ATP5MK: variants seen among roughly 807,000 people sequenced by gnomAD.
The protein encoded by ATP5MK is ATP synthase F(0) complex subunit k, mitochondrial.
ATP5MK carries 5 observed loss-of-function variants against 6.6 expected under a neutral mutation model. The observed-to-expected ratio is 0.76, with a 90% CI of 0.40 to 1.60. The LOEUF is 1.60. Ranked by LOEUF, ATP5MK falls within the 40% of genes most tolerant of loss-of-function variation. ATP5MK has a pLI of 0.02. For synonymous variants in ATP5MK, 30 were observed against 24.5 expected (o/e 1.22, Z -0.66); for missense variants, 57 against 66.6 (o/e 0.86, Z 0.50).
At chr10:103,391,273 C>G (rs570812870) in intron 4 of ATP5MK, among the ~76,000 whole-genome samples, 8 of 152,306 alleles carry the variant, frequency 5.3e-5, no homozygotes, top group African/African-American at 1.7e-4. Context: ...CCTAAGATGA[C>G]AATCCTAGAT....
intron 2 of ATP5MK, 142 bp from the exon 3 acceptor site, chr10:103,392,608 A>G (rs937745577): frequency 3.2e-6 from 2 of 620,310 alleles, no homozygotes; most frequent in Non-Finnish European, 5.5e-6. Flanking sequence ...CACCCAACAC[A>G]GTAGTAGCAA....
intron 2 of ATP5MK, among the ~76,000 whole-genome samples, chr10:103,395,124 G>A (rs1005865989): frequency 6.6e-6 from 1 of 152,106 alleles, no homozygotes; most frequent in Non-Finnish European, 1.5e-5. Context: ...AATGGGGAAC[G>A]GGATTGTTGC....
chr10:103,390,489 CAAAAAG>C lies in ATP5MK; in HGVS notation c.*4-1329_*4-1324del, dbSNP rs542212765. Among the ~76,000 whole-genome samples the C allele has an allele frequency of 5.7e-4, 86 of 151,288 alleles. 1 individual carries two copies. Among genetic ancestry groups the C allele is most frequent in the Admixed American group, 5.4e-3 (82 of 15,174 alleles). On this transcript the variant is annotated intron_variant, in intron 4 of 4. Coordinates refer to ENST00000369815, the MANE Select transcript of ATP5MK (RefSeq NM_001206427.2). ...AGCCTGGGCAACAGAGCTAGAGTCT[CAAAAAG>C]AAAAATATCCGGGCTGGGTGTGGTG...
intron 2 of ATP5MK, among the ~76,000 whole-genome samples, chr10:103,394,838 C>A (rs1016110705): frequency 6.8e-6 from 1 of 147,018 alleles, no homozygotes; most frequent in Non-Finnish European, 1.5e-5. Flanking sequence ...AGAAACGCTA[C>A]AGAAAATAAG....
At chr10:103,390,634 CA>C (rs1161693488) in intron 4 of ATP5MK, among the ~76,000 whole-genome samples, 6 of 151,750 alleles carry the variant, frequency 4.0e-5, no homozygotes, top group Non-Finnish European at 4.4e-5. Context: ...ACTAAAAATA[CA>C]AAAAAATTAG....
At chr10:103,395,337 G>C (rs1250324665) in intron 2 of ATP5MK, among the ~76,000 whole-genome samples, 1 of 152,180 alleles carries the variant, frequency 6.6e-6, no homozygotes, top group African/African-American at 2.4e-5. Flanking sequence ...TCGCTCTGTC[G>C]TCCAGGCTGG....
At chr10:103,394,264 A>T in intron 2 of ATP5MK, 1 of 533,176 alleles carries the variant, frequency 1.9e-6, no homozygotes. Context: ...TCACCAGAAC[A>T]AGAGCTGAAA....
intron 2 of ATP5MK, chr10:103,394,284 C>T (rs774679037): frequency 1.5e-5 from 8 of 533,930 alleles, no homozygotes; most frequent in South Asian, 9.8e-5. Flanking sequence ...AATTCGTATG[C>T]ATGACCGCCT....
At chr10:103,392,309 A>C (rs1423217869) in intron 3 of ATP5MK, 26 bp from the exon 4 acceptor site, 4 of 1,600,870 alleles carry the variant, frequency 2.5e-6, no homozygotes, top group Non-Finnish European at 3.4e-6. Context: ...AAAAGTAAAC[A>C]AGACTTGTTG....
intron 4 of ATP5MK, among the ~76,000 whole-genome samples, chr10:103,390,133 G>C (rs942000848): frequency 6.6e-6 from 1 of 152,182 alleles, no homozygotes; most frequent in Admixed American, 6.5e-5. Context: ...GAATAAGCCA[G>C]TGATCACTGC....
intron 2 of ATP5MK, chr10:103,394,318 C>A (rs953336177): frequency 1.9e-6 from 1 of 534,110 alleles, no homozygotes; most frequent in Non-Finnish European, 3.9e-6. Context: ...GACGCCACGC[C>A]GAGTCGATTG....
chr10:103,391,225 A>G (rs2093413548), intron 4 of ATP5MK, among the ~76,000 whole-genome samples: 1 of 152,230 alleles, frequency 6.6e-6, no homozygotes, highest in South Asian at 2.1e-4. Flanking sequence ...ACACCCATTT[A>G]CAAAGCTGGG....
chr10:103,395,960 A>G lies in ATP5MK; in HGVS notation c.-224T>C, dbSNP rs1167202869. On this transcript the variant is annotated 5_prime_UTR_variant, in exon 2 of 5. Transcript: ENST00000369815. Reference sequence around the variant, plus strand: ...GCCGGGCCACATTCACTCGCTTTGAAAAAGGCTGCAGCGCACCTAAAGGAG... The same window carrying G: ...GCCGGGCCACATTCACTCGCTTTGAGAAAGGCTGCAGCGCACCTAAAGGAG... 6.6e-6 allele frequency: 1 copy of G among 152,288 alleles called. No individual in the cohort carries two copies. The highest frequency in any genetic ancestry group is 1.5e-5 in the Non-Finnish European group (1 of 68,092). 9.4% of individuals were successfully genotyped at this position (152,288 alleles called of 1,614,324 possible).
chr10:103,392,223 T>C lies in ATP5MK; in HGVS notation c.148A>G (p.Lys50Glu), dbSNP rs755540729. The C allele has an allele frequency of 6.2e-7, 1 of 1,613,660 alleles. No homozygotes were observed. The highest frequency in any genetic ancestry group is 1.1e-5 in the South Asian group (1 of 90,980). ...GTTGCTTTCACAGCTGGAGTTTTTT[T>C]GGACCTTAACTTGAAATATAAGACA... is the stretch of plus-strand genomic sequence containing the variant. ...LIVLYFKLRS[K>E]KTPAVKAT The change falls in exon 4 of 5, where the codon AAA becomes GAA. Residue 50 changes from lysine to glutamate, a missense_variant. By Grantham distance (56) the Lys-to-Glu change is moderately conservative. Coordinates refer to ENST00000369815, the MANE Select transcript of ATP5MK (RefSeq NM_001206427.2).
Position 103,392,436 on chromosome 10 carries a change from C to T in ATP5MK, c.22G>A (p.Ala8Thr). The T allele has an allele frequency of 6.2e-7, 1 of 1,603,704 alleles. No homozygotes were observed. The highest frequency in any genetic ancestry group is 8.5e-7 in the Non-Finnish European group (1 of 1,176,554). Reference sequence around the variant, plus strand: ...TTAATACCAGTGAACTGGTATTGCGCATCACTTTCTGGACCTGCCATGATT... The same window carrying T: ...TTAATACCAGTGAACTGGTATTGCGTATCACTTTCTGGACCTGCCATGATT... MAGPESD[A>T]QYQFTGIKKY... The change falls in exon 3 of 5, where the codon GCG (alanine) becomes ACG (threonine). Residue 8 changes from alanine (A) to threonine (T), a missense_variant. Ala to Thr is a moderately conservative substitution (Grantham distance 58). Coordinates refer to ENST00000369815, the MANE Select transcript of ATP5MK (RefSeq NM_001206427.2).
chr10:103,395,550 G>A (rs1400601631), intron 2 of ATP5MK, among the ~76,000 whole-genome samples, 196 bp downstream of exon 2: 4 of 151,848 alleles, frequency 2.6e-5, no homozygotes, highest in African/African-American at 4.8e-5. Context: ...TACCCGCCTC[G>A]GCCTCCCAAA....
intron 2 of ATP5MK, 69 bp from the exon 3 acceptor site, chr10:103,392,535 CTTGT>C (rs2093417821): frequency 1.6e-6 from 2 of 1,260,360 alleles, no homozygotes; most frequent in Non-Finnish European, 2.2e-6. Flanking sequence ...TAAATTTTGT[CTTGT>C]TTTAGTCTAA....
At chr10:103,389,763 G>T (rs1025587341) in intron 4 of ATP5MK, among the ~76,000 whole-genome samples, 3 of 151,006 alleles carry the variant, frequency 2.0e-5, no homozygotes, top group African/African-American at 7.3e-5. Flanking sequence ...ACACAGTCTC[G>T]CTCTATCCCC....
intron 2 of ATP5MK, chr10:103,394,360 G>A (rs750389441): frequency 3.8e-6 from 2 of 530,688 alleles, no homozygotes; most frequent in African/African-American, 3.9e-5. Flanking sequence ...AGGTCCGGTC[G>A]AGATTGGTAG....
Sources: allele counts gnomAD v4.1 joint callset (sites outside exome capture counted in the v4.1 genomes callset), GRCh38; gene constraint gnomAD v4.1.1; transcripts MANE v1.5; gene names NCBI Gene and HGNC (gene_info 2026-07-23, HGNC 2026-07-21).